CNTNAP2: variants seen among roughly 807,000 people sequenced by gnomAD.
CNTNAP2 encodes contactin associated protein 2.
CNTNAP2 carries 98 observed loss-of-function variants against 155.2 expected under a neutral mutation model. That is an observed-to-expected ratio of 0.63 (90% CI 0.54 to 0.75). CNTNAP2 has a LOEUF of 0.75. Among genes scored for constraint, CNTNAP2 ranks in the 30% least tolerant of loss-of-function variants. CNTNAP2 has a pLI of 0.00. For synonymous variants in CNTNAP2, 651 were observed against 631.2 expected (o/e 1.03, Z -0.47); for missense variants, 1,727 against 1,688.1 (o/e 1.02, Z -0.40).
At chr7:146,529,688 C>T (rs112819479) in intron 1 of CNTNAP2, among the ~76,000 whole-genome samples, 9,698 of 151,950 alleles carry the variant, frequency 0.064, 764 homozygotes, top group African/African-American at 0.19. Flanking sequence ...AATGTAGGGC[C>T]GGGTGCGGTG....
chr7:148,089,953 G>GA (rs1803805884), intron 15 of CNTNAP2, among the ~76,000 whole-genome samples: 1 of 151,704 alleles, frequency 6.6e-6, no homozygotes, highest in Non-Finnish European at 1.5e-5. Flanking sequence ...ACAGAATAAA[G>GA]ACCCCAGAAA....
intron 10 of CNTNAP2, among the ~76,000 whole-genome samples, chr7:147,478,802 A>G (rs1463618592): frequency 6.6e-6 from 1 of 152,250 alleles, no homozygotes; most frequent in Admixed American, 6.5e-5. Flanking sequence ...GTGGGGTTCT[A>G]TGTCAAGACA....
intron 1 of CNTNAP2, among the ~76,000 whole-genome samples, chr7:146,695,569 C>A (rs139840335): frequency 0.012 from 1,802 of 151,970 alleles, 20 homozygotes; most frequent in Middle Eastern, 0.054. Flanking sequence ...CACTACCATG[C>A]CCAACTATTT....
intron 4 of CNTNAP2, among the ~76,000 whole-genome samples, chr7:147,099,255 T>C (rs996407502): frequency 1.3e-5 from 2 of 152,056 alleles, no homozygotes; most frequent in African/African-American, 4.8e-5. Context: ...AAGGAAGCAG[T>C]TGGGGTGTGG....
chr7:147,854,523 T>C (rs1435091618), intron 13 of CNTNAP2, among the ~76,000 whole-genome samples: 2 of 152,104 alleles, frequency 1.3e-5, no homozygotes, highest in Admixed American at 6.6e-5. Flanking sequence ...CAGTATCAAC[T>C]GCATACCCAC....
chr7:148,027,855 A>G (rs1802401213), intron 15 of CNTNAP2, among the ~76,000 whole-genome samples: 2 of 152,180 alleles, frequency 1.3e-5, no homozygotes, highest in South Asian at 4.1e-4. Flanking sequence ...GAAACACTCA[A>G]CTTGGGCCTC....
chr7:146,360,881 GAAACA>G (rs1246297527), intron 1 of CNTNAP2, among the ~76,000 whole-genome samples: 2 of 152,178 alleles, frequency 1.3e-5, no homozygotes, highest in African/African-American at 2.4e-5. Context: ...TCACTGACAT[GAAACA>G]GTGATTCATC....
At position 146,438,476 on chromosome 7, in the gene CNTNAP2, T is replaced by G. The variant is rs1056797236; in HGVS notation, c.97+321503T>G. 1.4e-4 allele frequency among the ~76,000 whole-genome samples: 21 copies of G among 151,526 alleles called. 1 individual carries two copies. The highest frequency in any genetic ancestry group is 2.1e-4 in the Non-Finnish European group (14 of 68,006). ...GAGTAAGTCTATCTTTGCCCAAATATTACCTTCAGAAGTTTGGGCTACATA... is the reference window on the plus strand; with the variant it reads ...GAGTAAGTCTATCTTTGCCCAAATAGTACCTTCAGAAGTTTGGGCTACATA... On this transcript the variant is annotated intron_variant, in intron 1 of 23. Transcript: ENST00000361727.
intron 8 of CNTNAP2, among the ~76,000 whole-genome samples, chr7:147,175,730 G>A (rs954089553): frequency 1.3e-5 from 2 of 152,146 alleles, no homozygotes; most frequent in Non-Finnish European, 2.9e-5. Flanking sequence ...GCTTCCTTGT[G>A]TGGGAGTAGA....
At chr7:147,490,777 A>G (rs1407180114) in intron 11 of CNTNAP2, among the ~76,000 whole-genome samples, 2 of 152,214 alleles carry the variant, frequency 1.3e-5, no homozygotes, top group Admixed American at 1.3e-4. Flanking sequence ...TAATTTAGAA[A>G]GAAAAGGGGT....
intron 17 of CNTNAP2, among the ~76,000 whole-genome samples, chr7:148,166,499 T>C (rs1222517844): frequency 2.0e-5 from 3 of 150,298 alleles, no homozygotes; most frequent in Non-Finnish European, 4.4e-5. Flanking sequence ...TTTTTTTTTT[T>C]ATAATTCCTC....
chr7:148,060,090 C>G (rs551011256), intron 15 of CNTNAP2, among the ~76,000 whole-genome samples: 2 of 152,046 alleles, frequency 1.3e-5, no homozygotes, highest in Non-Finnish European at 2.9e-5. Flanking sequence ...CTCATTTTGA[C>G]TATTTCAACA....
intron 1 of CNTNAP2, among the ~76,000 whole-genome samples, chr7:146,552,899 T>G (rs543995883): frequency 1.3e-5 from 2 of 152,154 alleles, no homozygotes; most frequent in Non-Finnish European, 2.9e-5. Flanking sequence ...TCCCTTCCTA[T>G]CTTCATTCCA....
chr7:147,745,814 G>A (rs904355667), intron 13 of CNTNAP2, among the ~76,000 whole-genome samples: 2 of 152,126 alleles, frequency 1.3e-5, no homozygotes, highest in Non-Finnish European at 2.9e-5. Flanking sequence ...CTTCACAAGC[G>A]CAATCATTCT....
At chr7:146,661,117 G>T (rs1221036090) in intron 1 of CNTNAP2, among the ~76,000 whole-genome samples, 2 of 152,068 alleles carry the variant, frequency 1.3e-5, no homozygotes, top group African/African-American at 2.4e-5. Flanking sequence ...TTCCACTCAC[G>T]GTTGACAGTT....
intron 15 of CNTNAP2, among the ~76,000 whole-genome samples, chr7:148,078,190 A>G (rs1467706569): frequency 6.6e-6 from 1 of 151,998 alleles, no homozygotes; most frequent in African/African-American, 2.4e-5. Flanking sequence ...CAGCCTCTCA[A>G]GTAGCTGGGA....
At chr7:148,275,922 C>T (rs1197534655) in intron 21 of CNTNAP2, among the ~76,000 whole-genome samples, 5 of 152,024 alleles carry the variant, frequency 3.3e-5, no homozygotes, top group Non-Finnish European at 7.4e-5. Flanking sequence ...ATGGGAGTTA[C>T]GGTTGTGACA....
At chr7:147,518,243 T>A (rs1307865997) in intron 11 of CNTNAP2, among the ~76,000 whole-genome samples, 8 of 152,086 alleles carry the variant, frequency 5.3e-5, no homozygotes, top group African/African-American at 1.9e-4. Flanking sequence ...ACTTTCTAGA[T>A]AAATGGAACT....
chr7:147,267,698 A>G (rs1804645844), intron 8 of CNTNAP2, among the ~76,000 whole-genome samples: 6 of 152,204 alleles, frequency 3.9e-5, no homozygotes, highest in Admixed American at 3.9e-4. Context: ...TGTTTGTTGA[A>G]TAAATAAATG....
Sources: gnomAD v4.1 joint callset for allele counts (sites outside exome capture counted in the v4.1 genomes callset) on GRCh38, gnomAD v4.1.1 for gene constraint, MANE v1.5 for transcripts, NCBI Gene and HGNC (gene_info 2026-07-23, HGNC 2026-07-21) for gene names.